The following TNRC18 variants were observed in gnomAD, a reference collection of about 807,000 sequenced individuals.
TNRC18 encodes trinucleotide repeat containing 18.
In TNRC18, 69 loss-of-function variants were observed where a neutral mutation model predicts 226.7. That is an observed-to-expected ratio of 0.30 (90% CI 0.25 to 0.37). TNRC18 has a LOEUF of 0.37. TNRC18 is among the 10% of genes least tolerant of loss of function. The probability of loss-of-function intolerance (pLI) is 1.00; values close to 1 mark genes in which losing one functional copy is unlikely to be tolerated. For synonymous variants in TNRC18, 2,449 were observed against 1,927.6 expected, an observed-to-expected ratio of 1.27 and a Z score of -7.09; for missense variants, 4,754 against 4,256.6, an observed-to-expected ratio of 1.12 and a Z score of -3.25.
In TNRC18 at chr7:5,388,477, G is replaced by T; in HGVS notation, c.1347C>A (p.Ala449=). ...PPPADAPTVR[A]TRASPDPRAY... ...CGCGGGGGTCCGGGGAGGCGCGTGTGGCCCGCACCGTGGGGGCATCCGCGG... is the reference window on the plus strand; with the variant it reads ...CGCGGGGGTCCGGGGAGGCGCGTGTTGCCCGCACCGTGGGGGCATCCGCGG... Residue 449 remains alanine, a synonymous_variant, in exon 5 of 30, where the codon GCC becomes GCA. Coordinates refer to ENST00000430969, the MANE Select transcript of TNRC18 (RefSeq NM_001080495.3). The T allele has an allele frequency of 7.2e-7, 1 of 1,391,836 alleles. No individual in the cohort carries two copies. Among genetic ancestry groups the T allele is most frequent in the South Asian group, 1.5e-5 (1 of 66,056 alleles). 86.2% of individuals were successfully genotyped at this position (1,391,836 alleles called of 1,614,324 possible).
chr7:5,343,071 C>G (rs374713269), intron 18 of TNRC18, among the ~76,000 whole-genome samples: 1 of 152,176 alleles, frequency 6.6e-6, no homozygotes, highest in Non-Finnish European at 1.5e-5. Context: ...AATGCTATTA[C>G]GTCCAGGCGC....
At chr7:5,311,713 G>A (rs1293770395) in intron 27 of TNRC18, among the ~76,000 whole-genome samples, 1 of 152,132 alleles carries the variant, frequency 6.6e-6, no homozygotes, top group Admixed American at 6.5e-5. Flanking sequence ...AGCTACTCAG[G>A]AGGCTGAGGC....
At chr7:5,339,882 T>C (rs1790518276) in intron 18 of TNRC18, among the ~76,000 whole-genome samples, 2 of 151,482 alleles carry the variant, frequency 1.3e-5, no homozygotes, top group Non-Finnish European at 2.9e-5. Context: ...ATGTTCTTTA[T>C]ATAGCGAGGA....
In TNRC18 at chr7:5,387,925, G is replaced by C; in HGVS notation, c.1899C>G (p.Ala633=). ...PAPTSAGASR[A]QARLPHSGGP... is the part of the protein sequence containing the mutation. ...CTCCGGAGTGTGGGAGACGGGCCTGGGCTCGGGAGGCACCCGCAGAGGTGG... is the reference window on the plus strand; with the variant it reads ...CTCCGGAGTGTGGGAGACGGGCCTGCGCTCGGGAGGCACCCGCAGAGGTGG... Residue 633 remains alanine, a synonymous_variant, in exon 5 of 30, where the codon GCC becomes GCG. Transcript: ENST00000430969. The C allele has an allele frequency of 6.3e-7, 1 of 1,595,736 alleles. No individual in the cohort carries two copies. The highest frequency in any genetic ancestry group is 2.3e-5 in the East Asian group (1 of 44,066).
At chr7:5,374,562 C>CA (rs1348990680) in intron 9 of TNRC18, 78 bp from the exon 10 acceptor site, 2 of 1,424,740 alleles carry the variant, frequency 1.4e-6, no homozygotes, top group East Asian at 2.9e-5. Context: ...CCTGTCCCCC[C>CA]AAGGGTCCCC....
At chr7:5,348,317 G>A (rs374532206) in intron 17 of TNRC18, among the ~76,000 whole-genome samples, 1 of 152,172 alleles carries the variant, frequency 6.6e-6, no homozygotes, top group East Asian at 1.9e-4. Flanking sequence ...TGCTGGGAGC[G>A]GGAAAGTGAC....
chr7:5,422,445 CTGTT>C (rs750800960), intron 1 of TNRC18, among the ~76,000 whole-genome samples: 7 of 151,854 alleles, frequency 4.6e-5, no homozygotes, highest in East Asian at 1.9e-4. Flanking sequence ...CAGGTTAAAG[CTGTT>C]TGTTTAAAAG....
intron 2 of TNRC18, among the ~76,000 whole-genome samples, chr7:5,415,120 G>A (rs1251496890): frequency 6.6e-6 from 1 of 152,106 alleles, no homozygotes; most frequent in African/African-American, 2.4e-5. Context: ...CTGGCTTTCA[G>A]GGACCTGAAG....
In TNRC18 at chr7:5,421,258, G is replaced by C. The variant is rs988884283; in HGVS notation, c.-12C>G. ...TCTCGGCCATCCATCCTCCGCGGGA[G>C]TGCCGCGATCAGCCCCCCACCCGGC... On this transcript the variant is annotated 5_prime_UTR_variant, in exon 2 of 30. Coordinates refer to ENST00000430969, the MANE Select transcript of TNRC18 (RefSeq NM_001080495.3). 7 of 1,288,886 alleles carry C rather than the reference G, an allele frequency of 5.4e-6. No homozygotes were observed. Among genetic ancestry groups the C allele is most frequent in the Non-Finnish European group, 5.9e-6 (6 of 1,015,424 alleles). 79.8% of individuals were successfully genotyped at this position (1,288,886 alleles called of 1,614,324 possible). A position where few individuals can be genotyped will look rare whatever the true frequency, so the allele number is the denominator to read the frequency against.
At chr7:5,420,163 G>A (rs1782461941) in intron 2 of TNRC18, 2 of 334,144 alleles carry the variant, frequency 6.0e-6, no homozygotes, top group Admixed American at 8.5e-5. Flanking sequence ...CTCCCGCCCC[G>A]GCGCAGCGCC....
At chr7:5,341,749 C>T (rs186589581) in intron 18 of TNRC18, among the ~76,000 whole-genome samples, 2 of 120,238 alleles carry the variant, frequency 1.7e-5, no homozygotes, top group Non-Finnish European at 3.2e-5. Context: ...GGCAAAAGAG[C>T]GAGACTCCGT....
chr7:5,392,281 G>A (rs1342083069), intron 3 of TNRC18, among the ~76,000 whole-genome samples: 3 of 151,988 alleles, frequency 2.0e-5, no homozygotes, highest in African/African-American at 7.2e-5. Context: ...GATCAACATG[G>A]GGAAACCCCA....
At chr7:5,372,857 A>G (rs1445791836) in intron 10 of TNRC18, among the ~76,000 whole-genome samples, 8 of 152,166 alleles carry the variant, frequency 5.3e-5, no homozygotes, top group Non-Finnish European at 1.2e-4. Context: ...ACACATCTGT[A>G]CAAATATAAA....
rs921082863 is a variant in TNRC18 at position 5,420,835 on chromosome 7, G to T, written c.187+225C>A. The T allele has an allele frequency of 9.7e-6, 7 of 718,110 alleles. No individual in the cohort carries two copies. In the African/African-American group the frequency reaches 1.1e-4, roughly 11 times the overall value. 44.5% of individuals were successfully genotyped at this position (718,110 alleles called of 1,614,324 possible). On this transcript the variant is annotated intron_variant, in intron 2 of 29. Coordinates refer to ENST00000430969, the MANE Select transcript of TNRC18 (RefSeq NM_001080495.3). Reference sequence around the variant, plus strand: ...GCTACCACACCGGCTTTCGGCTCACGAGGGCCAAGCACGCTACGGAAAAGG... The same window carrying T: ...GCTACCACACCGGCTTTCGGCTCACTAGGGCCAAGCACGCTACGGAAAAGG...
chr7:5,322,931 GCTGAGC>G (rs1562491074), intron 21 of TNRC18, among the ~76,000 whole-genome samples: 1 of 152,224 alleles, frequency 6.6e-6, no homozygotes, highest in Non-Finnish European at 1.5e-5. Flanking sequence ...GGGGCCCAAT[GCTGAGC>G]CTAGGCCTCG....
rs114987874 is a variant in TNRC18 at position 5,371,183 on chromosome 7, G to C, written c.3411C>G (p.Pro1137=). 10,301 of 1,606,234 alleles carry C rather than the reference G, an allele frequency of 6.4e-3. 378 individuals carry two copies. The African/African-American group carries it at 0.096, about 15-fold the overall frequency. The part of the protein sequence containing the change: ...SPEDKPIRLS[P]SKITEPLREG... The stretch of plus-strand genomic sequence containing the variant: ...CCCGCAGCGGCTCTGTGATCTTGGA[G>C]GGGGACAAGCGGATGGGCTTGTCTT... Residue 1137 remains proline, a synonymous_variant, in exon 11 of 30, where the codon CCC becomes CCG. Transcript: ENST00000430969.
chr7:5,398,919 C>T (rs1211628448), intron 2 of TNRC18, among the ~76,000 whole-genome samples: 1 of 152,150 alleles, frequency 6.6e-6, no homozygotes, highest in Non-Finnish European at 1.5e-5. Flanking sequence ...CCACCCTGTC[C>T]AGCCATAAAT....
At chr7:5,389,545 C>T in intron 4 of TNRC18, 1 of 484,992 alleles carries the variant, frequency 2.1e-6, no homozygotes, top group Non-Finnish European at 3.1e-6. Context: ...ACCTCCACCT[C>T]CTGGGTTCAA....
At chr7:5,342,501 C>G (rs973013310) in intron 18 of TNRC18, among the ~76,000 whole-genome samples, 1 of 151,786 alleles carries the variant, frequency 6.6e-6, no homozygotes, top group Non-Finnish European at 1.5e-5. Context: ...CAAGACTTCA[C>G]TGGAGGAAGT....
Sources: gnomAD v4.1 joint callset for allele counts (sites outside exome capture counted in the v4.1 genomes callset) on GRCh38, gnomAD v4.1.1 for gene constraint, MANE v1.5 for transcripts, NCBI Gene and HGNC (gene_info 2026-07-23, HGNC 2026-07-21) for gene names.